FRAS1: variants seen among roughly 807,000 people sequenced by gnomAD.
FRAS1 encodes Fraser extracellular matrix complex subunit 1.
Under a neutral mutation model 435.2 loss-of-function variants are expected in FRAS1, and 290 were observed. The ratio of observed to expected loss-of-function variants is 0.67; its 90% CI spans 0.61 to 0.73. The LOEUF (loss-of-function observed/expected upper bound fraction) is 0.73. FRAS1 is among the 30% of genes least tolerant of loss of function. FRAS1 has a pLI of 0.00. For synonymous variants in FRAS1, 1,800 were observed against 1,851.0 expected, an observed-to-expected ratio of 0.97 and a Z score of 0.71; for missense variants, 4,860 against 5,001.5, an observed-to-expected ratio of 0.97 and a Z score of 0.85.
At chr4:78,393,164 A>G (rs1320056300) in intron 29 of FRAS1, among the ~76,000 whole-genome samples, 2 of 152,036 alleles carry the variant, frequency 1.3e-5, no homozygotes. Context: ...TCCTAACCTC[A>G]TAAAGTTTTC....
At chr4:78,320,683 C>T (rs889145987) in intron 18 of FRAS1, among the ~76,000 whole-genome samples, 4 of 152,078 alleles carry the variant, frequency 2.6e-5, no homozygotes, top group African/African-American at 7.2e-5. Context: ...CTCTCTCTCC[C>T]GCATTTTACA....
intron 18 of FRAS1, among the ~76,000 whole-genome samples, chr4:78,328,128 A>G (rs535419267): frequency 6.6e-6 from 1 of 152,186 alleles, no homozygotes; most frequent in Non-Finnish European, 1.5e-5. Context: ...TTCTTGGCCC[A>G]CAAGCCTTTC....
intron 29 of FRAS1, among the ~76,000 whole-genome samples, chr4:78,400,020 A>G (rs1470340693): frequency 6.6e-6 from 1 of 151,982 alleles, no homozygotes; most frequent in Non-Finnish European, 1.5e-5. Flanking sequence ...CCACTCCCCA[A>G]CCTGGCTCCC....
intron 51 of FRAS1, 69 bp from the exon 52 acceptor site, chr4:78,472,111 T>C: frequency 6.8e-7 from 1 of 1,472,558 alleles, no homozygotes; most frequent in Non-Finnish European, 9.5e-7. Context: ...GAATTAAATC[T>C]GAGTCAGAGG....
rs758392698 is a variant in FRAS1, at chr4:78,540,927, C to T, written c.11842C>T (p.Leu3948=). 3 of 1,613,838 alleles carry T rather than the reference C, an allele frequency of 1.9e-6. No homozygotes were observed. Residue 3948 remains leucine, a synonymous_variant, in exon 74 of 74, where the codon CTG becomes TTG. Transcript: ENST00000512123. ...AGAGGACATTTTGGAAGAATATCCT[C>T]TGAATACCAAGGTAGAAGTGCCCAA... is the stretch of plus-strand genomic sequence containing the variant. The part of the protein sequence containing the change: ...PAEDILEEYP[L]NTKVEVPKRH...
At chr4:78,347,361 C>T (rs1730644874) in intron 20 of FRAS1, among the ~76,000 whole-genome samples, 1 of 152,196 alleles carries the variant, frequency 6.6e-6, no homozygotes, top group Non-Finnish European at 1.5e-5. Flanking sequence ...TAAAGCTCTC[C>T]TAGTCCTTCC....
At chr4:78,539,532 G>A in intron 73 of FRAS1, 92 bp downstream of exon 73, 1 of 1,156,396 alleles carries the variant, frequency 8.6e-7, no homozygotes, top group Non-Finnish European at 1.2e-6. Flanking sequence ...CAACATCTCT[G>A]GATTCTTCAA....
At chr4:78,099,293 C>A (rs894628022) in intron 2 of FRAS1, among the ~76,000 whole-genome samples, 1 of 152,122 alleles carries the variant, frequency 6.6e-6, no homozygotes, top group Non-Finnish European at 1.5e-5. Context: ...GGAAGGGGAA[C>A]AACTAAATTT....
intron 56 of FRAS1, among the ~76,000 whole-genome samples, chr4:78,480,402 G>T (rs1330892824): frequency 6.6e-6 from 1 of 152,210 alleles, no homozygotes; most frequent in African/African-American, 2.4e-5. Context: ...TGGAGATAGA[G>T]TGTAGAAGGT....
chr4:78,523,320 T>G (rs6829018), intron 69 of FRAS1, among the ~76,000 whole-genome samples: 2 of 151,918 alleles, frequency 1.3e-5, no homozygotes, highest in Non-Finnish European at 2.9e-5. Flanking sequence ...AAACCTTTAT[T>G]GAATAAAGAA....
chr4:78,229,656 G>A (rs1490936778), intron 2 of FRAS1, among the ~76,000 whole-genome samples: 1 of 151,612 alleles, frequency 6.6e-6, no homozygotes, highest in African/African-American at 2.4e-5. Context: ...GAAATGGTAA[G>A]ACTGCTGTAC....
intron 2 of FRAS1, among the ~76,000 whole-genome samples, chr4:78,115,490 A>T (rs563666972): frequency 6.2e-4 from 95 of 152,274 alleles, no homozygotes; most frequent in Middle Eastern, 6.8e-3. Context: ...GCTATTAATT[A>T]TTGCCTCAAT....
In FRAS1 at chr4:78,412,958, T is replaced by C. The variant is rs1195687985; in HGVS notation, c.4309-11T>C. 1.2e-5 allele frequency: 19 copies of C among 1,572,638 alleles called. No homozygotes were observed. The highest frequency in any genetic ancestry group is 1.6e-5 in the Non-Finnish European group (19 of 1,154,416). On this transcript the variant is annotated splice_polypyrimidine_tract_variant and intron_variant, in intron 31 of 73. Transcript: ENST00000512123. ...AAGATGAGAGGCTCACCAGGATGAC[T>C]TTCTTTTCAGGTGTCCAGTGCCTCC... is the stretch of plus-strand genomic sequence containing the variant.
intron 59 of FRAS1, among the ~76,000 whole-genome samples, chr4:78,495,390 C>T (rs1720482337): frequency 6.6e-6 from 1 of 152,214 alleles, no homozygotes; most frequent in East Asian, 1.9e-4. Context: ...AAAACATACC[C>T]ATCACACATC....
intron 52 of FRAS1, 121 bp from the exon 53 acceptor site, chr4:78,473,317 T>G: frequency 2.8e-6 from 2 of 713,500 alleles, no homozygotes; most frequent in Admixed American, 5.3e-5. Flanking sequence ...CTTTTGGTGC[T>G]TGGAAAAATA....
intron 32 of FRAS1, among the ~76,000 whole-genome samples, chr4:78,415,088 A>G (rs535982996): frequency 9.2e-5 from 14 of 152,326 alleles, no homozygotes; most frequent in Middle Eastern, 3.4e-3. Flanking sequence ...GCGCTCACCC[A>G]CTTCCTACTC....
intron 51 of FRAS1, among the ~76,000 whole-genome samples, chr4:78,471,085 T>G (rs919180407): frequency 3.3e-5 from 5 of 152,146 alleles, no homozygotes; most frequent in Admixed American, 1.3e-4. Context: ...TTTTTGTAGG[T>G]AAGTGTGCAC....
At chr4:78,533,184 T>C (rs762799875) in intron 70 of FRAS1, among the ~76,000 whole-genome samples, 2 of 152,258 alleles carry the variant, frequency 1.3e-5, no homozygotes, top group Non-Finnish European at 1.5e-5. Context: ...TGTTACCTTT[T>C]AGCATGCTAT....
At chr4:78,125,848 G>A (rs951627002) in intron 2 of FRAS1, among the ~76,000 whole-genome samples, 1 of 152,194 alleles carries the variant, frequency 6.6e-6, no homozygotes, top group Non-Finnish European at 1.5e-5. Context: ...GGACCCACTT[G>A]AGGAGGCAAT....
Sources: gnomAD v4.1 joint callset for allele counts (sites outside exome capture counted in the v4.1 genomes callset) on GRCh38, gnomAD v4.1.1 for gene constraint, MANE v1.5 for transcripts, NCBI Gene and HGNC (gene_info 2026-07-23, HGNC 2026-07-21) for gene names.